Variants in ITGB4 observed in about 807,000 individuals in gnomAD.
ITGB4 encodes the protein integrin beta-4.
In ITGB4, 159 loss-of-function variants were observed where a neutral mutation model predicts 207.6. The ratio of observed to expected loss-of-function variants is 0.77; its 90% CI spans 0.67 to 0.87. The LOEUF (loss-of-function observed/expected upper bound fraction) is 0.87. Among genes scored for constraint, ITGB4 ranks in the 40% least tolerant of loss-of-function variants. ITGB4 has a pLI of 0.00. For synonymous variants in ITGB4, 1,020 were observed against 1,062.7 expected (o/e 0.96, Z 0.78); for missense variants, 2,278 against 2,546.8 (o/e 0.89, Z 2.27).
At position 75,757,653 on chromosome 17, in the gene ITGB4, C is replaced by T. The variant is rs779538618; in HGVS notation, c.*98C>T. On this transcript the variant is annotated 3_prime_UTR_variant, in exon 40 of 40. Coordinates refer to ENST00000200181, the MANE Select transcript of ITGB4 (RefSeq NM_000213.5). ...ACTCCATCCTTGCACCCCTGGGGGC[C>T]CAGCCCACCCGCATGCACAGAGCAG... is the stretch of plus-strand genomic sequence containing the variant. 9 of 1,524,166 alleles carry T rather than the reference C, an allele frequency of 5.9e-6. No individual in the cohort carries two copies. The highest frequency in any genetic ancestry group is 1.7e-5 in the Admixed American group (1 of 59,622). The allele number at this position is 1,524,166 out of a possible 1,614,324, so 94.4% of individuals were successfully genotyped here. A position where few individuals can be genotyped will look rare whatever the true frequency, so the allele number is the denominator to read the frequency against.
chr17:75,728,277 C>T, intron 5 of ITGB4, 100 bp from the exon 6 acceptor site: 1 of 921,732 alleles, frequency 1.1e-6, no homozygotes, highest in Non-Finnish European at 1.8e-6. Context: ...AAGCGTTAAC[C>T]TCCCTCTTCC....
rs527349839 is a variant in ITGB4 at position 75,741,074 on chromosome 17, C to T, written c.2633+69C>T. ...CGCCTGTCCCCAGCCCAGCCACTGC[C>T]TCGTCCGTCCCTACTCCATCTCCAT... On this transcript the variant is annotated intron_variant, in intron 23 of 39. Transcript: ENST00000200181. The T allele has an allele frequency of 1.0e-5, 16 of 1,548,340 alleles. No individual in the cohort carries two copies. The South Asian group carries it at 1.8e-4, about 17-fold the overall frequency.
intron 1 of ITGB4, among the ~76,000 whole-genome samples, chr17:75,724,228 C>T (rs868473399): frequency 2.6e-5 from 4 of 152,242 alleles, no homozygotes; most frequent in African/African-American, 7.2e-5. Flanking sequence ...CCTCTCCTCC[C>T]GGCTGTGCCA....
Position 75,753,983 on chromosome 17 carries a change from C to A in ITGB4, c.4318+9C>A. 2 of 1,189,890 alleles carry A rather than the reference C, an allele frequency of 1.7e-6. No individual in the cohort carries two copies. Among genetic ancestry groups the A allele is most frequent in the South Asian group, 3.3e-5 (1 of 30,222 alleles). 73.7% of individuals were successfully genotyped at this position (1,189,890 alleles called of 1,614,324 possible). A position where few individuals can be genotyped will look rare whatever the true frequency, so the allele number is the denominator to read the frequency against. ...ACCCGGGCCCCCCGGAGGTGACAGG[C>A]TCACCCGCCGCCCCCCGATCCGCGC... On this transcript the variant is annotated intron_variant, in intron 33 of 39. Coordinates refer to ENST00000200181, the MANE Select transcript of ITGB4 (RefSeq NM_000213.5).
In ITGB4 at chr17:75,730,885, C is replaced by T. The variant is rs2060841343; in HGVS notation, c.1013C>T (p.Thr338Ile). 6.2e-7 allele frequency: 1 copy of T among 1,613,186 alleles called. No homozygotes were observed. The highest frequency in any genetic ancestry group is 8.5e-7 in the Non-Finnish European group (1 of 1,179,766). ...CCTTCTCTCCCGCAGAAGCTTCACACCTATTTCCCTGTCTCCTCACTGGGG... is the reference window on the plus strand; with the variant it reads ...CCTTCTCTCCCGCAGAAGCTTCACATCTATTTCCCTGTCTCCTCACTGGGG... ...YSYSYYEKLH[T>I]YFPVSSLGVL... Residue 338 changes from threonine to isoleucine, a missense_variant, in exon 9 of 40, where the codon ACC (threonine) becomes ATC (isoleucine). Thr to Ile is a moderately conservative substitution (Grantham distance 89, BLOSUM62 -1). Transcript: ENST00000200181.
intron 23 of ITGB4, 136 bp downstream of exon 23, chr17:75,741,141 C>A: frequency 2.1e-6 from 2 of 972,494 alleles, no homozygotes; most frequent in East Asian, 2.6e-5. Flanking sequence ...CAGGTTCGGA[C>A]CTTCATTCGT....
rs777431037 is a variant in ITGB4, at chr17:75,730,509, G to A, written c.1002+5G>A. ...TACTCCTATAGCTACTACGAGGTGC[G>A]GGGCCCAGGTCCCACGGGTGGGAGG... is the stretch of plus-strand genomic sequence containing the variant. On this transcript the variant is annotated splice_donor_5th_base_variant and intron_variant, in intron 8 of 39. Coordinates refer to ENST00000200181, the MANE Select transcript of ITGB4 (RefSeq NM_000213.5). 3.3e-5 allele frequency: 54 copies of A among 1,613,408 alleles called. No individual in the cohort carries two copies. The highest frequency in any genetic ancestry group is 6.6e-5 in the South Asian group (6 of 91,064).
Position 75,740,484 on chromosome 17 carries a change from T to G in ITGB4, c.2550+23T>G. 2 of 1,557,352 alleles carry G rather than the reference T, an allele frequency of 1.3e-6. No homozygotes were observed. Among genetic ancestry groups the G allele is most frequent in the Non-Finnish European group, 1.8e-6 (2 of 1,129,732 alleles). On this transcript the variant is annotated intron_variant, in intron 21 of 39. Coordinates refer to ENST00000200181, the MANE Select transcript of ITGB4 (RefSeq NM_000213.5). This position sits in a 1 kb window ranked among gnomAD's most constrained non-coding sequence, Gnocchi z 5.9. Reference sequence around the variant, plus strand: ...AACGTAAGGACCCAGGAACTAGGCCTGGCCGGAGATGTGGGTATGAGGGCG... The same window carrying G: ...AACGTAAGGACCCAGGAACTAGGCCGGGCCGGAGATGTGGGTATGAGGGCG...
intron 26 of ITGB4, among the ~76,000 whole-genome samples, chr17:75,747,539 C>T (rs1484712629): frequency 2.0e-5 from 3 of 152,160 alleles, no homozygotes; most frequent in South Asian, 4.1e-4. Flanking sequence ...GTTCGGATGT[C>T]CCAATAATGT....
Position 75,750,111 on chromosome 17 carries a change from A to G in ITGB4, c.3317A>G (p.Asp1106Gly), listed in dbSNP as rs370112615. Reference sequence around the variant, plus strand: ...GCCCGGCCCCAACCTGACCCGTTAGATGAACTGGACCGGAGCTTCACGAGT... The same window carrying G: ...GCCCGGCCCCAACCTGACCCGTTAGGTGAACTGGACCGGAGCTTCACGAGT... Reference protein sequence around the residue: ...HSTTIIIRDPDELDRSFTSQM... With the variant: ...HSTTIIIRDPGELDRSFTSQM... The change falls in exon 28 of 40, where the codon GAT becomes GGT. Residue 1106 changes from aspartate (D) to glycine (G), a missense_variant and splice_region_variant. Physicochemically the swap from Asp to Gly is moderately conservative, Grantham distance 94. Transcript: ENST00000200181. This position sits in a 1 kb window ranked among gnomAD's most constrained non-coding sequence, Gnocchi z 5.5. 4.6e-5 allele frequency: 74 copies of G among 1,613,468 alleles called. No homozygotes were observed. The highest frequency in any genetic ancestry group is 6.1e-5 in the Non-Finnish European group (72 of 1,180,016).
In ITGB4 at chr17:75,736,623, C is replaced by G. The variant is rs2060982998; in HGVS notation, c.1919C>G (p.Thr640Ser). The G allele has an allele frequency of 1.2e-6, 2 of 1,602,724 alleles. No homozygotes were observed. The highest frequency in any genetic ancestry group is 4.5e-5 in the East Asian group (2 of 44,502). Residue 640 changes from threonine (T) to serine (S), a missense_variant, in exon 16 of 40, where the codon ACC becomes AGC. Thr to Ser is a moderately conservative substitution (Grantham distance 58). Coordinates refer to ENST00000200181, the MANE Select transcript of ITGB4 (RefSeq NM_000213.5). The stretch of plus-strand genomic sequence containing the variant: ...TGCGTGCAGTGCCAGGCGTGGGGCA[C>G]CGGCGAGAAGAAGGGGCGCACGTGT... The part of the protein sequence containing the change: ...RSCVQCQAWG[T>S]GEKKGRTCEE...
chr17:75,739,617 T>A lies in ITGB4; in HGVS notation c.2221-55T>A, dbSNP rs2061059202. 1 of 1,609,896 alleles carries A rather than the reference T, an allele frequency of 6.2e-7. No homozygotes were observed. Among genetic ancestry groups the A allele is most frequent in the Admixed American group, 1.7e-5 (1 of 60,010 alleles). On this transcript the variant is annotated intron_variant, in intron 18 of 39. Transcript: ENST00000200181. The surrounding 1 kb of genome is among the most constrained non-coding windows in gnomAD (Gnocchi z 5.4). Reference sequence around the variant, plus strand: ...ATGGGGCGGGGTGGCTGGAAGGGCTTACCTGGGCCAGGGCAGCTGTCTCAG... The same window carrying A: ...ATGGGGCGGGGTGGCTGGAAGGGCTAACCTGGGCCAGGGCAGCTGTCTCAG...
chr17:75,734,142 T>G (rs1470241668), intron 13 of ITGB4, among the ~76,000 whole-genome samples: 3 of 143,340 alleles, frequency 2.1e-5, no homozygotes, highest in African/African-American at 2.6e-5. Flanking sequence ...TTTTTTTTTT[T>G]TTTTTTTTTT....
At position 75,757,790 on chromosome 17, in the gene ITGB4, G is replaced by A; in HGVS notation, c.*235G>A. 1.5e-6 allele frequency: 1 copy of A among 671,756 alleles called. No homozygotes were observed. The highest frequency in any genetic ancestry group is 2.6e-6 in the Non-Finnish European group (1 of 391,988). 41.6% of individuals were successfully genotyped at this position (671,756 alleles called of 1,614,324 possible). ...AGCACAAGGACCCAGCCTTTGTTCT[G>A]CACTTAATAAATGGTTTTGCTACTG... is the stretch of plus-strand genomic sequence containing the variant. On this transcript the variant is annotated 3_prime_UTR_variant, in exon 40 of 40. Transcript: ENST00000200181.
In ITGB4 at chr17:75,729,562, G is replaced by A. The variant is rs1024074508; in HGVS notation, c.738+126G>A. On this transcript the variant is annotated intron_variant, in intron 7 of 39. Coordinates refer to ENST00000200181, the MANE Select transcript of ITGB4 (RefSeq NM_000213.5). This position sits in a 1 kb window ranked among gnomAD's most constrained non-coding sequence, Gnocchi z 4.4. The stretch of plus-strand genomic sequence containing the variant: ...GCCCTGAGGGAAAGCCTGGGAGCCT[G>A]CAACCCCTTCACCCTGAGACAAGCT... The A allele has an allele frequency of 1.2e-4, 114 of 969,592 alleles. 1 individual carries two copies. Among genetic ancestry groups the A allele is most frequent in the South Asian group, 8.6e-4 (50 of 57,856 alleles). 60.1% of individuals were successfully genotyped at this position (969,592 alleles called of 1,614,324 possible). A position where few individuals can be genotyped will look rare whatever the true frequency, so the allele number is the denominator to read the frequency against.
Position 75,727,639 on chromosome 17 carries a change from C to T in ITGB4, c.265-12C>T. 6.3e-7 allele frequency: 1 copy of T among 1,597,892 alleles called. No homozygotes were observed. The highest frequency in any genetic ancestry group is 2.2e-4 in the Middle Eastern group (1 of 4,618). ...GACCCTCTAGCCAGCTGTCCCCTTC[C>T]ACTGGCTGCAGGAGACCCAGATTGA... On this transcript the variant is annotated splice_polypyrimidine_tract_variant and intron_variant, in intron 4 of 39. Transcript: ENST00000200181. The surrounding 1 kb of genome is among the most constrained non-coding windows in gnomAD (Gnocchi z 6.0).
At chr17:75,738,531 C>T (rs2061033729) in intron 18 of ITGB4, among the ~76,000 whole-genome samples, 3 of 152,202 alleles carry the variant, frequency 2.0e-5, no homozygotes, top group Admixed American at 2.0e-4. Context: ...CCACATCTTC[C>T]CCAGCTCTAG....
At chr17:75,728,518 A>G (rs2148467749) in intron 6 of ITGB4, 45 bp downstream of exon 6, 1 of 1,427,572 alleles carries the variant, frequency 7.0e-7, no homozygotes, top group Non-Finnish European at 9.9e-7. Context: ...GGTCCAGGCC[A>G]TGTGACCCCC....
intron 38 of ITGB4, 41 bp downstream of exon 38, chr17:75,757,148 GC>G: frequency 1.9e-6 from 3 of 1,612,670 alleles, no homozygotes; most frequent in Non-Finnish European, 2.5e-6. Context: ...CCCTCCTCGG[GC>G]CGTGCCTCCT....
Sources: allele counts gnomAD v4.1 joint callset (sites outside exome capture counted in the v4.1 genomes callset), GRCh38; gene constraint gnomAD v4.1.1; non-coding constraint Gnocchi (gnomAD v3.1); transcripts MANE v1.5; gene names NCBI Gene and HGNC (gene_info 2026-07-23, HGNC 2026-07-21).